PIK3C2G: variants seen among roughly 807,000 people sequenced by gnomAD.
PIK3C2G encodes phosphatidylinositol-4-phosphate 3-kinase catalytic subunit type 2 gamma, also known as phosphatidylinositol 3-kinase C2 domain-containing subunit gamma.
A neutral mutation model predicts 181.1 loss-of-function variants in PIK3C2G; 168 were observed. The ratio of observed to expected loss-of-function variants is 0.93; its 90% CI spans 0.82 to 1.05. The LOEUF is 1.05. Ranked by LOEUF, PIK3C2G falls within the 50% of genes least tolerant of loss-of-function variation. PIK3C2G has a pLI of 0.00. For missense variants in PIK3C2G, 1,869 were observed against 1,732.8 expected, an observed-to-expected ratio of 1.08 and a Z score of -1.40; for synonymous variants, 573 against 592.2, an observed-to-expected ratio of 0.97 and a Z score of 0.47.
intron 12 of PIK3C2G, chr12:18,363,114 A>C: frequency 2.9e-6 from 1 of 341,070 alleles, no homozygotes; most frequent in Non-Finnish European, 5.3e-6. Flanking sequence ...TATTGAACTG[A>C]GAAAAAGGGA....
At chr12:18,668,430 T>C in the PIK3C2G span, among the ~76,000 whole-genome samples, 1 of 152,154 alleles carries the variant, frequency 6.6e-6, no homozygotes, top group Non-Finnish European at 1.5e-5. Context: ...AGAAATCAAA[T>C]GGAACCCAAC....
chr12:18,413,608 A>G (rs1291093843), intron 16 of PIK3C2G, among the ~76,000 whole-genome samples: 1 of 152,130 alleles, frequency 6.6e-6, no homozygotes, highest in African/African-American at 2.4e-5. Flanking sequence ...TATAAATGTA[A>G]TTAAGGTCCT....
intron 32 of PIK3C2G, 137 bp downstream of exon 32, chr12:18,640,691 G>A (rs1282056253): frequency 5.1e-6 from 4 of 782,070 alleles, no homozygotes; most frequent in South Asian, 3.6e-5. Flanking sequence ...AGTAGTCGCA[G>A]TATGCTGATC....
intron 24 of PIK3C2G, among the ~76,000 whole-genome samples, chr12:18,532,883 GTTTTTT>G (rs139779917): frequency 8.0e-6 from 1 of 124,960 alleles, no homozygotes; most frequent in African/African-American, 3.0e-5. Flanking sequence ...AAAGTTTGCT[GTTTTTT>G]TTTTTTTTTT....
the PIK3C2G span, among the ~76,000 whole-genome samples, chr12:18,687,784 G>A: frequency 6.6e-6 from 1 of 151,904 alleles, no homozygotes; most frequent in African/African-American, 2.4e-5. Context: ...GTAGATTTGA[G>A]GCTGTTAAAA....
intron 29 of PIK3C2G, among the ~76,000 whole-genome samples, chr12:18,588,229 T>A (rs946318742): frequency 6.6e-6 from 1 of 151,616 alleles, no homozygotes; most frequent in Admixed American, 6.6e-5. Flanking sequence ...ATCAATCACA[T>A]CAAAAGGAAA....
Position 18,488,585 on chromosome 12 carries a change from G to A in PIK3C2G, c.2641G>A (p.Asp881Asn), listed in dbSNP as rs776873364. ...GCAGAAACTTATCAAAATTCTGGGA[G>A]ATATTGGGGAAAGAGTCAAGTCTGC... is the stretch of plus-strand genomic sequence containing the variant. Reference protein sequence around the residue: ...KEQKLIKILGDIGERVKSASD... With the variant: ...KEQKLIKILGNIGERVKSASD... The change falls in exon 19 of 33, where the codon GAT (aspartate) becomes AAT (asparagine). Residue 881 changes from aspartate (D) to asparagine (N), a missense_variant. Physicochemically the swap from Asp to Asn is conservative, Grantham distance 23. Transcript: ENST00000538779. The A allele has an allele frequency of 2.5e-6, 4 of 1,570,158 alleles. No homozygotes were observed. The highest frequency in any genetic ancestry group is 2.6e-6 in the Non-Finnish European group (3 of 1,158,566).
At chr12:18,389,807 A>G (rs2138039546) in intron 14 of PIK3C2G, among the ~76,000 whole-genome samples, 1 of 152,316 alleles carries the variant, frequency 6.6e-6, no homozygotes, top group East Asian at 1.9e-4. Context: ...TGAAATATAC[A>G]CAAATAATTT....
chr12:18,529,472 C>T (rs770321363), intron 24 of PIK3C2G, among the ~76,000 whole-genome samples: 1 of 152,132 alleles, frequency 6.6e-6, no homozygotes, highest in Non-Finnish European at 1.5e-5. Context: ...TGTCTGAAGA[C>T]CACCCTGAAC....
At chr12:18,623,878 G>T (rs185154008) in intron 31 of PIK3C2G, among the ~76,000 whole-genome samples, 9 of 151,772 alleles carry the variant, frequency 5.9e-5, no homozygotes, top group African/African-American at 2.2e-4. Context: ...TTTACATGTT[G>T]ATTTTGTACC....
chr12:18,695,103 A>G, the PIK3C2G span: 1 of 1,600,364 alleles, frequency 6.2e-7, no homozygotes, highest in South Asian at 1.1e-5. Flanking sequence ...GTATTTTGAC[A>G]TTGTCAGGTA....
At chr12:18,573,439 CA>C (rs980902108) in intron 29 of PIK3C2G, among the ~76,000 whole-genome samples, 2 of 152,264 alleles carry the variant, frequency 1.3e-5, no homozygotes, top group South Asian at 2.1e-4. Context: ...GCAAAGTGGT[CA>C]AAAGTGCTGC....
At chr12:18,485,383 T>C (rs905867009) in intron 18 of PIK3C2G, among the ~76,000 whole-genome samples, 1 of 152,176 alleles carries the variant, frequency 6.6e-6, no homozygotes, top group Non-Finnish European at 1.5e-5. Context: ...TGACTATCTC[T>C]GTATCTCTGA....
chr12:18,357,394 C>G (rs1940843441), intron 11 of PIK3C2G, among the ~76,000 whole-genome samples: 1 of 152,102 alleles, frequency 6.6e-6, no homozygotes, highest in Non-Finnish European at 1.5e-5. Flanking sequence ...ACAGTATGTA[C>G]TTTCCAGAAC....
chr12:18,685,840 ACACG>A, the PIK3C2G span, among the ~76,000 whole-genome samples: 31 of 92,116 alleles, frequency 3.4e-4, no homozygotes, highest in East Asian at 8.9e-3. Flanking sequence ...TCACACACAC[ACACG>A]CGCACACACA....
chr12:18,297,742 G>A (rs1470226150), intron 5 of PIK3C2G, among the ~76,000 whole-genome samples: 3 of 151,866 alleles, frequency 2.0e-5, no homozygotes, highest in East Asian at 1.9e-4. Flanking sequence ...CTAACTCCGT[G>A]AGATAACCAT....
At chr12:18,247,711 T>A (rs1432508074) in exon 1 of PIK3C2G, 1 of 152,188 alleles carries the variant, frequency 6.6e-6, no homozygotes, top group Non-Finnish European at 1.5e-5. Context: ...CTTCTTATTG[T>A]ACATATGCCT....
intron 1 of PIK3C2G, among the ~76,000 whole-genome samples, chr12:18,249,331 A>C (rs1480694570): frequency 6.6e-6 from 1 of 152,210 alleles, no homozygotes; most frequent in East Asian, 1.9e-4. Context: ...TTAATTGAAG[A>C]TAGTTTGATA....
rs1271707852 is a variant in PIK3C2G, at chr12:18,266,002, G to A, written c.-79+4425G>A. ...GCACTCCAGCCTGGGGAACAAGAGC[G>A]AGACTTCATCTAAAAAAAAAAAAAA... On this transcript the variant is annotated intron_variant, in intron 1 of 32. Transcript: ENST00000538779. Among the ~76,000 whole-genome samples, 21 of 107,234 alleles carry A rather than the reference G, an allele frequency of 2.0e-4. No homozygotes were observed. In the East Asian group the frequency reaches 5.7e-3, roughly 29 times the overall value. 70.3% of individuals were successfully genotyped at this position (107,234 alleles called of 152,430 possible). A position where few individuals can be genotyped will look rare whatever the true frequency, so the allele number is the denominator to read the frequency against.
Sources: gnomAD v4.1 joint callset for allele counts (sites outside exome capture counted in the v4.1 genomes callset) on GRCh38, gnomAD v4.1.1 for gene constraint, MANE v1.5 for transcripts, NCBI Gene and HGNC (gene_info 2026-07-23, HGNC 2026-07-21) for gene names.